Variants in BLM observed in about 807,000 individuals in gnomAD.
The protein encoded by BLM is BLM RecQ like helicase.
BLM carries 95 observed loss-of-function variants against 135.3 expected under a neutral mutation model. The observed-to-expected ratio is 0.70, with a 90% CI of 0.59 to 0.83. The LOEUF is 0.83. Ranked by LOEUF, BLM falls within the 40% of genes least tolerant of loss-of-function variation. BLM has a pLI of 0.00. For missense variants in BLM, 1,518 were observed against 1,663.9 expected (o/e 0.91, Z 1.53); for synonymous variants, 520 against 589.2 (o/e 0.88, Z 1.70).
intron 15 of BLM, among the ~76,000 whole-genome samples, chr15:90,792,427 C>G (rs1896928280): frequency 6.6e-6 from 1 of 151,534 alleles, no homozygotes. Context: ...TAAATTAACT[C>G]TGGCAGAAGT....
intron 3 of BLM, among the ~76,000 whole-genome samples, chr15:90,751,253 T>C (rs1174797257): frequency 6.6e-6 from 1 of 152,146 alleles, no homozygotes; most frequent in Non-Finnish European, 1.5e-5. Flanking sequence ...CACTGAAAAG[T>C]GATTGACGAT....
intron 1 of BLM, 102 bp from the exon 2 acceptor site, chr15:90,747,287 G>T: frequency 2.7e-6 from 2 of 732,356 alleles, no homozygotes; most frequent in East Asian, 3.4e-5. Context: ...GGGCACAGTT[G>T]GAACAATGCC....
At chr15:90,814,655 C>T (rs1897509125) in intron 21 of BLM, among the ~76,000 whole-genome samples, 1 of 152,186 alleles carries the variant, frequency 6.6e-6, no homozygotes, top group South Asian at 2.1e-4. Flanking sequence ...CCACAGCTGC[C>T]TTGCTCTGGA....
intron 4 of BLM, 105 bp from the exon 5 acceptor site, chr15:90,754,706 A>G (rs1596223610): frequency 8.1e-7 from 1 of 1,236,068 alleles, no homozygotes; most frequent in Non-Finnish European, 1.1e-6. Context: ...CTTTTCTGTT[A>G]TATATTGTCT....
intron 15 of BLM, among the ~76,000 whole-genome samples, chr15:90,793,337 G>A (rs886421227): frequency 6.6e-6 from 1 of 152,012 alleles, no homozygotes; most frequent in African/African-American, 2.4e-5. Flanking sequence ...GTTTTGCCAT[G>A]TTGGCCAGGC....
intron 1 of BLM, among the ~76,000 whole-genome samples, chr15:90,740,852 C>A (rs964554529): frequency 1.3e-5 from 2 of 152,220 alleles, no homozygotes; most frequent in African/African-American, 4.8e-5. Flanking sequence ...CTTTGCCCCT[C>A]CTTTGCCTTC....
chr15:90,766,611 A>T (rs1213056417), intron 9 of BLM, among the ~76,000 whole-genome samples: 1 of 151,932 alleles, frequency 6.6e-6, no homozygotes, highest in African/African-American at 2.4e-5. Flanking sequence ...TATTTTCAGT[A>T]GAGATGGGGT....
intron 17 of BLM, among the ~76,000 whole-genome samples, chr15:90,801,358 T>C (rs1897162269): frequency 6.6e-6 from 1 of 152,158 alleles, no homozygotes; most frequent in Non-Finnish European, 1.5e-5. Flanking sequence ...GATGTAAATG[T>C]TAATATTGAT....
intron 14 of BLM, among the ~76,000 whole-genome samples, chr15:90,786,748 G>A (rs773208408): frequency 8.4e-4 from 127 of 152,020 alleles, no homozygotes; most frequent in Non-Finnish European, 1.1e-3. Flanking sequence ...CCAAGTAGCC[G>A]GGACTATAGG....
At chr15:90,740,940 T>A (rs905426220) in intron 1 of BLM, among the ~76,000 whole-genome samples, 4 of 152,184 alleles carry the variant, frequency 2.6e-5, no homozygotes, top group Admixed American at 2.0e-4. Context: ...TTACCCACTC[T>A]CAGGTGTTTC....
intron 4 of BLM, among the ~76,000 whole-genome samples, chr15:90,753,088 G>A (rs1895730928): frequency 6.6e-6 from 1 of 152,132 alleles, no homozygotes; most frequent in Non-Finnish European, 1.5e-5. Flanking sequence ...AGCACTGCTG[G>A]GTGCGGTGGC....
At chr15:90,756,334 A>T (rs181374486) in intron 5 of BLM, among the ~76,000 whole-genome samples, 1 of 152,220 alleles carries the variant, frequency 6.6e-6, no homozygotes, top group Non-Finnish European at 1.5e-5. Context: ...TGATCTCCTG[A>T]CCTTGTGATC....
Position 90,814,970 on chromosome 15 carries a change from TC to T in BLM, c.4077-131del, listed in dbSNP as rs1897518927. On this transcript the variant is annotated intron_variant, in intron 21 of 21. Coordinates refer to ENST00000355112, the MANE Select transcript of BLM (RefSeq NM_000057.4). ...AGGAAACTTACCTTACCTAGGGGGC[TC>T]GTAGGCAGAAAATGCACAAGGACAC... 3.5e-6 allele frequency: 3 copies of T among 848,766 alleles called. No individual in the cohort carries two copies. In the East Asian group the frequency reaches 7.8e-5, roughly 22 times the overall value. 52.6% of individuals were successfully genotyped at this position (848,766 alleles called of 1,614,324 possible). A position where few individuals can be genotyped will look rare whatever the true frequency, so the allele number is the denominator to read the frequency against.
chr15:90,799,431 A>G (rs560788473), intron 17 of BLM, among the ~76,000 whole-genome samples: 2 of 151,936 alleles, frequency 1.3e-5, no homozygotes, highest in Non-Finnish European at 2.9e-5. Flanking sequence ...AAATTTAGGA[A>G]CTGATCAAAA....
At chr15:90,753,776 C>T (rs141598380) in intron 4 of BLM, among the ~76,000 whole-genome samples, 2 of 152,136 alleles carry the variant, frequency 1.3e-5, no homozygotes, top group Non-Finnish European at 2.9e-5. Context: ...TCCTCTTTTC[C>T]AAAACCTCTG....
chr15:90,758,030 C>T (rs1895866076), intron 5 of BLM, among the ~76,000 whole-genome samples: 1 of 151,882 alleles, frequency 6.6e-6, no homozygotes, highest in Non-Finnish European at 1.5e-5. Flanking sequence ...TACAGGCATG[C>T]ACCACTATGC....
At chr15:90,789,191 G>T (rs983201204) in intron 14 of BLM, among the ~76,000 whole-genome samples, 1 of 152,002 alleles carries the variant, frequency 6.6e-6, no homozygotes, top group Non-Finnish European at 1.5e-5. Flanking sequence ...ACTTGATCTC[G>T]TTAGATTCAT....
At chr15:90,741,991 TTG>T (rs1596210794) in intron 1 of BLM, among the ~76,000 whole-genome samples, 1 of 152,214 alleles carries the variant, frequency 6.6e-6, no homozygotes, top group African/African-American at 2.4e-5. Flanking sequence ...CAAAAATGCA[TTG>T]ATAATACATA....
intron 12 of BLM, among the ~76,000 whole-genome samples, chr15:90,780,124 GC>G (rs1896582802): frequency 6.9e-6 from 1 of 144,176 alleles, no homozygotes; most frequent in African/African-American, 2.6e-5. Flanking sequence ...CTCACTCTTC[GC>G]CCAGGCTGGA....
Sources: allele counts gnomAD v4.1 joint callset (sites outside exome capture counted in the v4.1 genomes callset), GRCh38; gene constraint gnomAD v4.1.1; transcripts MANE v1.5; gene names NCBI Gene and HGNC (gene_info 2026-07-23, HGNC 2026-07-21).